Variants in MKRN1 observed in about 807,000 individuals in gnomAD.
MKRN1 encodes the protein makorin ring finger protein 1.
Under a neutral mutation model 55.5 loss-of-function variants are expected in MKRN1, and 9 were observed. The observed-to-expected ratio is 0.16, with a 90% CI of 0.10 to 0.28. MKRN1 has a LOEUF of 0.28. Ranked by LOEUF, MKRN1 falls within the 10% of genes least tolerant of loss-of-function variation. The pLI is 1.00. For missense variants in MKRN1, 488 were observed against 626.7 expected, an observed-to-expected ratio of 0.78 and a Z score of 2.36; for synonymous variants, 253 against 235.9, an observed-to-expected ratio of 1.07 and a Z score of -0.66.
intron 1 of MKRN1, among the ~76,000 whole-genome samples, chr7:140,474,005 AAAAG>A (rs71272543): frequency 0.15 from 9,574 of 65,006 alleles, 683 homozygotes; most frequent in South Asian, 0.21. Flanking sequence ...AAAAAAAAAA[AAAAG>A]AAAGAAAGAA....
rs569362501 is a variant in MKRN1, at chr7:140,472,119, G to A, written c.186-108C>T. Reference sequence around the variant, plus strand: ...TCAACCAGTAAATACACAAACATACGAAATAAACACAAAGAAAGGGCCAGG... The same window carrying A: ...TCAACCAGTAAATACACAAACATACAAAATAAACACAAAGAAAGGGCCAGG... On this transcript the variant is annotated intron_variant, in intron 1 of 7. Transcript: ENST00000255977. The A allele has an allele frequency of 4.1e-6, 6 of 1,450,532 alleles. No individual in the cohort carries two copies. In the South Asian group the frequency reaches 6.2e-5, roughly 15 times the overall value. 89.9% of individuals were successfully genotyped at this position (1,450,532 alleles called of 1,614,324 possible).
intron 2 of MKRN1, among the ~76,000 whole-genome samples, chr7:140,466,533 G>A (rs1045493086): frequency 1.7e-4 from 26 of 152,104 alleles, no homozygotes; most frequent in Admixed American, 3.9e-4. Flanking sequence ...GGCCGGGCGC[G>A]GTGGCTCACG....
At chr7:140,466,079 C>CA (rs747067866) in intron 2 of MKRN1, among the ~76,000 whole-genome samples, 62 of 150,836 alleles carry the variant, frequency 4.1e-4, no homozygotes, top group African/African-American at 1.2e-3. Context: ...GACTCCATCT[C>CA]AAAAAAAACA....
chr7:140,470,143 C>T (rs537314189), intron 2 of MKRN1, among the ~76,000 whole-genome samples: 4 of 150,506 alleles, frequency 2.7e-5, no homozygotes, highest in Non-Finnish European at 4.4e-5. Context: ...ATCTCTCGAA[C>T]GCGGGAGGCA....
At chr7:140,466,059 G>C (rs1031025651) in intron 2 of MKRN1, among the ~76,000 whole-genome samples, 1 of 152,040 alleles carries the variant, frequency 6.6e-6, no homozygotes, top group Non-Finnish European at 1.5e-5. Flanking sequence ...CCAGCCTGGT[G>C]ACAGAGCGAG....
At chr7:140,477,664 G>A (rs1795165901) in intron 1 of MKRN1, among the ~76,000 whole-genome samples, 1 of 149,604 alleles carries the variant, frequency 6.7e-6, no homozygotes, top group Non-Finnish European at 1.5e-5. Flanking sequence ...CACCATGTTG[G>A]CCAGGCTGGT....
At chr7:140,468,040 A>T (rs1585484278) in intron 2 of MKRN1, among the ~76,000 whole-genome samples, 1 of 150,508 alleles carries the variant, frequency 6.6e-6, no homozygotes, top group African/African-American at 2.5e-5. Flanking sequence ...CTTAGCACAG[A>T]TTTCTTCAAT....
chr7:140,462,086 A>T (rs1794637012), intron 2 of MKRN1, among the ~76,000 whole-genome samples: 1 of 152,194 alleles, frequency 6.6e-6, no homozygotes, highest in African/African-American at 2.4e-5. Flanking sequence ...GGAGTGCAGT[A>T]GCGTGACCTT....
chr7:140,460,017 T>C, intron 2 of MKRN1, 81 bp from the exon 3 acceptor site: 1 of 1,207,682 alleles, frequency 8.3e-7, no homozygotes, highest in Middle Eastern at 2.1e-4. Flanking sequence ...GAAGCTGAGG[T>C]GGGTGGATCA....
intron 2 of MKRN1, among the ~76,000 whole-genome samples, chr7:140,463,755 G>T (rs554225501): frequency 2.6e-5 from 4 of 152,126 alleles, no homozygotes; most frequent in African/African-American, 9.6e-5. Flanking sequence ...CGTGGTGGCA[G>T]GCGCCTGTAG....
At chr7:140,469,667 C>G (rs1441912579) in intron 2 of MKRN1, among the ~76,000 whole-genome samples, 1 of 152,150 alleles carries the variant, frequency 6.6e-6, no homozygotes, top group Non-Finnish European at 1.5e-5. Context: ...AATCCCAGCG[C>G]TTTGGGAGGC....
chr7:140,474,519 T>C (rs1377510645), intron 1 of MKRN1: 7 of 274,856 alleles, frequency 2.5e-5, no homozygotes, highest in Non-Finnish European at 4.5e-5. Flanking sequence ...AATAAAAGGC[T>C]GTAGAAGACA....
At chr7:140,460,642 A>C (rs1276420755) in intron 2 of MKRN1, among the ~76,000 whole-genome samples, 1 of 152,272 alleles carries the variant, frequency 6.6e-6, no homozygotes, top group East Asian at 1.9e-4. Context: ...TTGAGCATCA[A>C]TGTGCCTGTA....
intron 2 of MKRN1, chr7:140,460,310 CTTTT>C (rs57140647): frequency 0.021 from 2,352 of 112,502 alleles, 83 homozygotes; most frequent in African/African-American, 0.08. Flanking sequence ...TTTTTCTTTT[CTTTT>C]TTTTTTTTTT....
At chr7:140,473,432 T>A (rs1794994278) in intron 1 of MKRN1, 1 of 294,236 alleles carries the variant, frequency 3.4e-6, no homozygotes, top group Admixed American at 5.0e-5. Context: ...AACTGCCAAG[T>A]TACCCTGTAA....
At chr7:140,468,534 C>T (rs921248561) in intron 2 of MKRN1, among the ~76,000 whole-genome samples, 1 of 151,592 alleles carries the variant, frequency 6.6e-6, no homozygotes, top group African/African-American at 2.4e-5. Context: ...AACCCTAACT[C>T]TACTAAAAAT....
Position 140,465,392 on chromosome 7 carries a change from C to T in MKRN1, c.315-5456G>A, listed in dbSNP as rs149904769. 6.1e-3 allele frequency among the ~76,000 whole-genome samples: 920 copies of T among 151,966 alleles called. 9 individuals carry two copies. Among genetic ancestry groups the T allele is most frequent in the African/African-American group, 0.02 (832 of 41,424 alleles). On this transcript the variant is annotated intron_variant, in intron 2 of 7. Coordinates refer to ENST00000255977, the MANE Select transcript of MKRN1 (RefSeq NM_013446.4). ...GCACATGCCTGCAATCCCACCTACTCGGGAGGCTGAGGTGGGAGGTGGAGG... is the reference window on the plus strand; with the variant it reads ...GCACATGCCTGCAATCCCACCTACTTGGGAGGCTGAGGTGGGAGGTGGAGG...
At chr7:140,466,866 C>T (rs1037312724) in intron 2 of MKRN1, among the ~76,000 whole-genome samples, 1 of 150,782 alleles carries the variant, frequency 6.6e-6, no homozygotes, top group Non-Finnish European at 1.5e-5. Context: ...GTGGTGGTTG[C>T]AGTGAGTCGT....
chr7:140,458,700 C>G (rs141075134), intron 4 of MKRN1, among the ~76,000 whole-genome samples: 70 of 152,214 alleles, frequency 4.6e-4, no homozygotes, highest in African/African-American at 1.6e-3. Flanking sequence ...AGTCTATAGT[C>G]TGAGTTTCTG....
Sources: allele counts gnomAD v4.1 joint callset (sites outside exome capture counted in the v4.1 genomes callset), GRCh38; gene constraint gnomAD v4.1.1; transcripts MANE v1.5; gene names NCBI Gene and HGNC (gene_info 2026-07-23, HGNC 2026-07-21).